Variants in FOXP2 observed in about 807,000 individuals in gnomAD.
FOXP2 encodes the protein forkhead box protein P2.
Under a neutral mutation model 115.8 loss-of-function variants are expected in FOXP2, and 12 were observed. That is an observed-to-expected ratio of 0.10 (90% CI 0.07 to 0.17). The LOEUF (loss-of-function observed/expected upper bound fraction) is 0.17, where lower values mean the gene tolerates loss of function less well. FOXP2 is among the 10% of genes least tolerant of loss of function. The probability of loss-of-function intolerance (pLI) is 1.00; values close to 1 mark genes in which losing one functional copy is unlikely to be tolerated. For missense variants in FOXP2, 629 were observed against 843.5 expected (o/e 0.75, Z 3.15); for synonymous variants, 328 against 297.7 (o/e 1.10, Z -1.05).
At chr7:114,565,652 T>G (rs1056034030) in intron 3 of FOXP2, among the ~76,000 whole-genome samples, 1 of 152,156 alleles carries the variant, frequency 6.6e-6, no homozygotes, top group Non-Finnish European at 1.5e-5. Flanking sequence ...AAAGCATAAC[T>G]TTTTACAAAT....
intron 2 of FOXP2, among the ~76,000 whole-genome samples, chr7:114,322,186 C>T (rs1584635122): frequency 6.6e-6 from 1 of 151,818 alleles, no homozygotes; most frequent in Non-Finnish European, 1.5e-5. Context: ...CCATGCCCAG[C>T]TAATATTTTC....
At chr7:114,558,610 C>T (rs954733242) in intron 3 of FOXP2, among the ~76,000 whole-genome samples, 1 of 152,158 alleles carries the variant, frequency 6.6e-6, no homozygotes, top group Admixed American at 6.5e-5. Context: ...ACCTTCAAGC[C>T]TTTATGATGT....
Position 114,534,680 on chromosome 7 carries a change from A to C in FOXP2, c.232A>C (p.Ser78Arg). 2 of 1,611,960 alleles carry C rather than the reference A, an allele frequency of 1.2e-6. No individual in the cohort carries two copies. The highest frequency in any genetic ancestry group is 8.5e-7 in the Non-Finnish European group (1 of 1,178,506). The change falls in exon 3 of 17, where the codon AGC becomes CGC. Residue 78 changes from serine (S) to arginine (R), a missense_variant. Physicochemically the swap from Ser to Arg is moderately radical, Grantham distance 110 (BLOSUM62 -1). Transcript: ENST00000350908. ...AACAAGTGGATTGAAATCTCCTAAG[A>C]GCAGTGATAAACAGAGACCACTGCA... ...QQTSGLKSPKSSDKQRPLQVP... is the reference protein window; with the variant it reads ...QQTSGLKSPKRSDKQRPLQVP...
At chr7:114,256,808 A>G (rs1279338943) in intron 1 of FOXP2, among the ~76,000 whole-genome samples, 1 of 152,244 alleles carries the variant, frequency 6.6e-6, no homozygotes, top group East Asian at 1.9e-4. Context: ...GTACAAACAA[A>G]TGGAAAAACA....
chr7:114,415,746 T>A (rs1244514104), intron 1 of FOXP2, among the ~76,000 whole-genome samples: 1 of 151,932 alleles, frequency 6.6e-6, no homozygotes, highest in Non-Finnish European at 1.5e-5. Context: ...AGGGCGCAAG[T>A]TTTTGAAAAG....
chr7:114,188,753 T>C (rs192384863), intron 1 of FOXP2, among the ~76,000 whole-genome samples: 191 of 152,252 alleles, frequency 1.3e-3, no homozygotes, highest in African/African-American at 4.5e-3. Context: ...GCAAACTCCA[T>C]GAGGATATAG....
intron 13 of FOXP2, 99 bp downstream of exon 13, chr7:114,659,772 T>G (rs1052591086): frequency 1.1e-6 from 1 of 911,270 alleles, no homozygotes. Flanking sequence ...TAGTATCTGC[T>G]TCCCCTCTTT....
chr7:114,203,344 T>A (rs1177232964), intron 1 of FOXP2, among the ~76,000 whole-genome samples: 3 of 152,160 alleles, frequency 2.0e-5, no homozygotes, highest in Non-Finnish European at 4.4e-5. Context: ...TTTTTTTATT[T>A]TTTTTGGAGA....
At chr7:114,177,253 G>A (rs538885299) in intron 1 of FOXP2, among the ~76,000 whole-genome samples, 1 of 152,200 alleles carries the variant, frequency 6.6e-6, no homozygotes, top group East Asian at 1.9e-4. Flanking sequence ...TCAACTTAGT[G>A]CCTGTATTAT....
In FOXP2 at chr7:114,658,054, G is replaced by C; in HGVS notation, c.1267-12G>C. On this transcript the variant is annotated splice_polypyrimidine_tract_variant and intron_variant, in intron 10 of 16. Coordinates refer to ENST00000350908, the MANE Select transcript of FOXP2 (RefSeq NM_014491.4). ...TCTACCTTTTTCCTGCCCTTCTCTT[G>C]GGCCTTTGCAGCTAAATCTGGTGTC... is the stretch of plus-strand genomic sequence containing the variant. The C allele has an allele frequency of 6.2e-7, 1 of 1,613,422 alleles. No homozygotes were observed. Among genetic ancestry groups the C allele is most frequent in the Non-Finnish European group, 8.5e-7 (1 of 1,179,664 alleles).
At chr7:114,643,563 T>A (rs989614968) in intron 7 of FOXP2, among the ~76,000 whole-genome samples, 1 of 152,056 alleles carries the variant, frequency 6.6e-6, no homozygotes, top group Admixed American at 6.6e-5. Context: ...TGTTAGATAA[T>A]TTTTTTGATA....
chr7:114,146,899 A>G (rs1343793360), intron 1 of FOXP2, among the ~76,000 whole-genome samples: 1 of 152,136 alleles, frequency 6.6e-6, no homozygotes, highest in East Asian at 1.9e-4. Flanking sequence ...CCACCTACCT[A>G]GCTTCATCCT....
intron 2 of FOXP2, among the ~76,000 whole-genome samples, chr7:114,296,200 G>GC (rs1291358533): frequency 1.3e-5 from 2 of 151,960 alleles, no homozygotes; most frequent in African/African-American, 4.8e-5. Flanking sequence ...TTAAACAATG[G>GC]GTTCTCTCCA....
At chr7:114,181,293 T>TAA (rs1258885624) in intron 1 of FOXP2, among the ~76,000 whole-genome samples, 11 of 149,896 alleles carry the variant, frequency 7.3e-5, no homozygotes, top group African/African-American at 9.7e-5. Context: ...TATATATATA[T>TAA]AAAATGAAGG....
chr7:114,275,665 G>A (rs1796168995), intron 1 of FOXP2, among the ~76,000 whole-genome samples: 1 of 152,148 alleles, frequency 6.6e-6, no homozygotes, highest in African/African-American at 2.4e-5. Context: ...TTCCTGGTCT[G>A]ATAATTCCAA....
At chr7:114,444,443 A>G (rs1276682043) in intron 2 of FOXP2, among the ~76,000 whole-genome samples, 1 of 152,160 alleles carries the variant, frequency 6.6e-6, no homozygotes, top group African/African-American at 2.4e-5. Context: ...GGTGATTTTT[A>G]TAGCACTTGG....
At chr7:114,144,637 A>G (rs184088222) in intron 1 of FOXP2, among the ~76,000 whole-genome samples, 4 of 152,134 alleles carry the variant, frequency 2.6e-5, no homozygotes, top group Admixed American at 1.3e-4. Flanking sequence ...ATTATGATAT[A>G]TTATGTAAAT....
At chr7:114,644,399 T>C (rs1326524489) in intron 7 of FOXP2, among the ~76,000 whole-genome samples, 1 of 152,216 alleles carries the variant, frequency 6.6e-6, no homozygotes, top group Non-Finnish European at 1.5e-5. Flanking sequence ...AGATAAAATG[T>C]TACATTAAGG....
intron 3 of FOXP2, among the ~76,000 whole-genome samples, chr7:114,554,973 A>G (rs944081250): frequency 6.6e-6 from 1 of 152,178 alleles, no homozygotes; most frequent in African/African-American, 2.4e-5. Context: ...AGGCTCTTTA[A>G]TGACAAGTAG....
Sources: allele counts gnomAD v4.1 joint callset (sites outside exome capture counted in the v4.1 genomes callset), GRCh38; gene constraint gnomAD v4.1.1; transcripts MANE v1.5; gene names NCBI Gene and HGNC (gene_info 2026-07-23, HGNC 2026-07-21).